Variants in MAPK9 observed in about 807,000 individuals in gnomAD.
MAPK9 encodes Jun kinase.
Under a neutral mutation model 57.1 loss-of-function variants are expected in MAPK9, and 30 were observed. That is an observed-to-expected ratio of 0.53 (90% CI 0.39 to 0.71). The LOEUF is 0.71. Ranked by LOEUF, MAPK9 falls within the 30% of genes least tolerant of loss-of-function variation. MAPK9 has a pLI of 0.00. For synonymous variants in MAPK9, 155 were observed against 177.0 expected (o/e 0.88, Z 0.99); for missense variants, 362 against 521.0 (o/e 0.69, Z 2.97).
At chr5:180,284,456 T>G (rs1209879111) in intron 1 of MAPK9, among the ~76,000 whole-genome samples, 2 of 152,146 alleles carry the variant, frequency 1.3e-5, no homozygotes, top group African/African-American at 4.8e-5. Context: ...TACAAGGAGG[T>G]TTCCTGGAGG....
At chr5:180,256,411 C>T (rs1759287753) in intron 5 of MAPK9, among the ~76,000 whole-genome samples, 1 of 106,786 alleles carries the variant, frequency 9.4e-6, no homozygotes, top group Non-Finnish European at 1.9e-5. Context: ...GGCAGGGGGG[C>T]AGGGGGCAAG....
At chr5:180,272,194 C>T (rs922989049) in intron 2 of MAPK9, among the ~76,000 whole-genome samples, 7 of 152,192 alleles carry the variant, frequency 4.6e-5, no homozygotes, top group East Asian at 1.9e-4. Flanking sequence ...TCTTGCATTA[C>T]GCTCTTGTGT....
Position 180,233,235 on chromosome 5 carries a change from C to A in MAPK9, c.*3149G>T, listed in dbSNP as rs1756967880. 1 of 152,150 alleles carries A rather than the reference C, an allele frequency of 6.6e-6. No individual in the cohort carries two copies. Among genetic ancestry groups the A allele is most frequent in the Admixed American group, 6.5e-5 (1 of 15,270 alleles). 9.4% of individuals were successfully genotyped at this position (152,150 alleles called of 1,614,324 possible). On this transcript the variant is annotated 3_prime_UTR_variant, in exon 12 of 12. Coordinates refer to ENST00000452135, the MANE Select transcript of MAPK9 (RefSeq NM_002752.5). ...AACTTGGCTCATCCCAGGCACAAAG[C>A]CACAAGCACCATGAATGACGTTAAG...
At chr5:180,242,830 ATATTTAAACC>A in intron 7 of MAPK9, 75 bp from the exon 8 acceptor site, 1 of 1,210,494 alleles carries the variant, frequency 8.3e-7, no homozygotes, top group Non-Finnish European at 1.2e-6. Flanking sequence ...CACTTGAATA[ATATTTAAACC>A]TATCGACTAG....
rs752981113 is a variant in MAPK9 at position 180,249,061 on chromosome 5, C to T, written c.528G>A (p.Ala176=). Residue 176 remains alanine (A), a synonymous_variant, in exon 6 of 12, where the codon GCG becomes GCA. Coordinates refer to ENST00000452135, the MANE Select transcript of MAPK9 (RefSeq NM_002752.5). ...AAGGGGTCATCATGAAGTTAGTGCA[C>T]GCTGTCCGGGCCAGGCCAAAGTCAA... ...KILDFGLART[A]CTNFMMTPYV... 1.4e-5 allele frequency: 22 copies of T among 1,613,962 alleles called. No homozygotes were observed. Among genetic ancestry groups the T allele is most frequent in the Admixed American group, 8.3e-5 (5 of 59,980 alleles).
At chr5:180,272,256 T>C (rs1207075278) in intron 2 of MAPK9, among the ~76,000 whole-genome samples, 1 of 152,222 alleles carries the variant, frequency 6.6e-6, no homozygotes, top group African/African-American at 2.4e-5. Context: ...AAAAGGTGCA[T>C]GGAAGATAGA....
intron 5 of MAPK9, among the ~76,000 whole-genome samples, chr5:180,251,819 G>A (rs1002363047): frequency 6.6e-6 from 1 of 152,112 alleles, no homozygotes; most frequent in Non-Finnish European, 1.5e-5. Flanking sequence ...CACAGCACCC[G>A]CAGCATGAGT....
intron 4 of MAPK9, among the ~76,000 whole-genome samples, chr5:180,262,649 T>C (rs1486430781): frequency 6.6e-6 from 1 of 152,114 alleles, no homozygotes; most frequent in Non-Finnish European, 1.5e-5. Flanking sequence ...TTGCCCAGGC[T>C]GGTCTCGAAC....
intron 9 of MAPK9, among the ~76,000 whole-genome samples, chr5:180,240,431 T>C (rs993414631): frequency 5.3e-5 from 8 of 152,240 alleles, no homozygotes; most frequent in Admixed American, 2.6e-4. Flanking sequence ...TGCTTATAAA[T>C]TGGATTCTTT....
chr5:180,262,027 A>AC (rs1390101381), intron 4 of MAPK9, among the ~76,000 whole-genome samples: 1 of 151,986 alleles, frequency 6.6e-6, no homozygotes, highest in Non-Finnish European at 1.5e-5. Context: ...AAAAAAAAAA[A>AC]CAACAACCTT....
At position 180,267,544 on chromosome 5, in the gene MAPK9, A is replaced by G. The variant is rs549733850; in HGVS notation, c.252+1736T>C. ...GCCACTGCCCTCCAGGTTGGGCGAC[A>G]GAGCGAGACTCCGTCTCAAAAAAAA... On this transcript the variant is annotated intron_variant, in intron 3 of 11. Coordinates refer to ENST00000452135, the MANE Select transcript of MAPK9 (RefSeq NM_002752.5). Among the ~76,000 whole-genome samples, 421 of 146,524 alleles carry G rather than the reference A, an allele frequency of 2.9e-3. 3 individuals are homozygous for G. The highest frequency in any genetic ancestry group is 0.014 in the Middle Eastern group (4 of 288).
intron 1 of MAPK9, among the ~76,000 whole-genome samples, chr5:180,291,286 G>A (rs904598872): frequency 2.7e-5 from 4 of 145,636 alleles, no homozygotes; most frequent in Non-Finnish European, 4.5e-5. Flanking sequence ...GACAAGGCAA[G>A]AGAGGAGTGC....
At chr5:180,257,339 A>G (rs775615456) in intron 5 of MAPK9, among the ~76,000 whole-genome samples, 1 of 152,124 alleles carries the variant, frequency 6.6e-6, no homozygotes, top group African/African-American at 2.4e-5. Flanking sequence ...TCTAAAACCC[A>G]TCTGCTTATT....
Position 180,280,529 on chromosome 5 carries a change from A to G in MAPK9, c.33T>C (p.Tyr11=), listed in dbSNP as rs1356506971. 4 of 1,614,192 alleles carry G rather than the reference A, an allele frequency of 2.5e-6. No individual in the cohort carries two copies. The highest frequency in any genetic ancestry group is 2.2e-5 in the East Asian group (1 of 44,874). The change falls in exon 2 of 12, where the codon TAT becomes TAC. Residue 11 remains tyrosine, a synonymous_variant. Transcript: ENST00000452135. MSDSKCDSQF[Y]SVQVADSTFT... ...AGGTTGAGTCTGCCACTTGCACACT[A>G]TAAAACTGACTGTCACATTTACTGT... is the stretch of plus-strand genomic sequence containing the variant.
chr5:180,261,625 A>G, intron 5 of MAPK9, 59 bp downstream of exon 5: 1 of 1,438,010 alleles, frequency 7.0e-7, no homozygotes, highest in East Asian at 2.4e-5. Context: ...TTTGTATGTA[A>G]AGGATTATGA....
chr5:180,281,469 T>C (rs1274274167), intron 1 of MAPK9, among the ~76,000 whole-genome samples: 1 of 152,262 alleles, frequency 6.6e-6, no homozygotes, highest in Non-Finnish European at 1.5e-5. Context: ...GGCTCGTGTC[T>C]GGTTATGCTT....
intron 1 of MAPK9, among the ~76,000 whole-genome samples, chr5:180,285,786 A>G (rs1033184235): frequency 2.0e-5 from 3 of 151,704 alleles, no homozygotes; most frequent in African/African-American, 7.3e-5. Flanking sequence ...TAATAATAAT[A>G]GTAAAAATCT....
At chr5:180,266,335 A>AT (rs1475267275) in intron 3 of MAPK9, among the ~76,000 whole-genome samples, 1 of 147,604 alleles carries the variant, frequency 6.8e-6, no homozygotes, top group African/African-American at 2.5e-5. Context: ...TTTTTTTGAG[A>AT]TGGAGTTTCA....
chr5:180,233,790 T>C lies in MAPK9; in HGVS notation c.*2594A>G, dbSNP rs942552451. The C allele has an allele frequency of 6.6e-6, 1 of 152,250 alleles. No individual in the cohort carries two copies. Among genetic ancestry groups the C allele is most frequent in the Non-Finnish European group, 1.5e-5 (1 of 68,046 alleles). 9.4% of individuals were successfully genotyped at this position (152,250 alleles called of 1,614,324 possible). A position where few individuals can be genotyped will look rare whatever the true frequency, so the allele number is the denominator to read the frequency against. On this transcript the variant is annotated 3_prime_UTR_variant, in exon 12 of 12. Coordinates refer to ENST00000452135, the MANE Select transcript of MAPK9 (RefSeq NM_002752.5). The stretch of plus-strand genomic sequence containing the variant: ...AGACTCGTACGTGGTTATCGCTACT[T>C]ACACAGCATTAAATGCGGGTTGAAG...
Sources: gnomAD v4.1 joint callset for allele counts (sites outside exome capture counted in the v4.1 genomes callset) on GRCh38, gnomAD v4.1.1 for gene constraint, MANE v1.5 for transcripts, NCBI Gene and HGNC (gene_info 2026-07-23, HGNC 2026-07-21) for gene names.